NRXN3: variants seen among roughly 807,000 people sequenced by gnomAD.
The protein encoded by NRXN3 is neurexin 3.
Under a neutral mutation model 137.6 loss-of-function variants are expected in NRXN3, and 32 were observed. That is an observed-to-expected ratio of 0.23 (90% CI 0.18 to 0.31). The LOEUF is 0.31. NRXN3 is among the 10% of genes least tolerant of loss of function. The pLI is 1.00. For synonymous variants in NRXN3, 798 were observed against 784.5 expected (o/e 1.02, Z -0.29); for missense variants, 1,574 against 2,062.5 (o/e 0.76, Z 4.59).
chr14:78,615,464 A>T (rs943142903), intron 4 of NRXN3, among the ~76,000 whole-genome samples: 3 of 143,018 alleles, frequency 2.1e-5, no homozygotes, highest in African/African-American at 8.0e-5. Flanking sequence ...AAAAAAAATT[A>T]GTCTGTTGTG....
At chr14:78,194,159 T>A (rs561872262) in intron 1 of NRXN3, among the ~76,000 whole-genome samples, 1 of 152,368 alleles carries the variant, frequency 6.6e-6, no homozygotes, top group South Asian at 2.1e-4. Flanking sequence ...TGCAGTGGGC[T>A]GAGCACAATC....
intron 1 of NRXN3, among the ~76,000 whole-genome samples, chr14:78,232,824 G>A (rs1056007666): frequency 6.6e-6 from 1 of 152,204 alleles, no homozygotes; most frequent in African/African-American, 2.4e-5. Flanking sequence ...CCATGGCTGG[G>A]AACTCCAGGC....
chr14:79,805,406 T>C (rs1430814621), intron 20 of NRXN3, among the ~76,000 whole-genome samples: 1 of 152,044 alleles, frequency 6.6e-6, no homozygotes, highest in African/African-American at 2.4e-5. Flanking sequence ...CCTACAAAAA[T>C]TAAGTCAGTC....
intron 4 of NRXN3, among the ~76,000 whole-genome samples, chr14:78,549,236 A>C (rs1408574880): frequency 6.6e-6 from 1 of 152,226 alleles, no homozygotes; most frequent in Non-Finnish European, 1.5e-5. Context: ...AAGTTTGTAC[A>C]GGATTCAGGA....
At chr14:79,009,462 C>T (rs1464004291) in intron 15 of NRXN3, among the ~76,000 whole-genome samples, 1 of 152,174 alleles carries the variant, frequency 6.6e-6, no homozygotes, top group Non-Finnish European at 1.5e-5. Flanking sequence ...GAACTCCTTA[C>T]TTCTATGCAT....
intron 1 of NRXN3, among the ~76,000 whole-genome samples, chr14:78,190,476 G>T: frequency 6.6e-6 from 1 of 152,170 alleles, no homozygotes; most frequent in Non-Finnish European, 1.5e-5. Context: ...TTCTTCTCGG[G>T]AGAGGATTGG....
At chr14:79,160,856 C>CT (rs2060703548) in intron 15 of NRXN3, among the ~76,000 whole-genome samples, 1 of 151,868 alleles carries the variant, frequency 6.6e-6, no homozygotes, top group Non-Finnish European at 1.5e-5. Context: ...TGGAAAGCTT[C>CT]TTGGGAAGAG....
chr14:78,440,593 CCA>C (rs1365817921), intron 4 of NRXN3, among the ~76,000 whole-genome samples: 2 of 152,088 alleles, frequency 1.3e-5, no homozygotes, highest in Non-Finnish European at 2.9e-5. Context: ...CCAGGGAAGG[CCA>C]GAGTCAGTGT....
chr14:79,121,107 A>G (rs982905212), intron 15 of NRXN3, among the ~76,000 whole-genome samples: 25 of 152,202 alleles, frequency 1.6e-4, no homozygotes, highest in Admixed American at 2.6e-4. Context: ...CAAAACAAAG[A>G]AGAAAAGCTT....
intron 15 of NRXN3, among the ~76,000 whole-genome samples, chr14:79,343,209 T>C (rs1284457479): frequency 6.6e-6 from 1 of 152,146 alleles, no homozygotes; most frequent in African/African-American, 2.4e-5. Flanking sequence ...AAACCATAAT[T>C]GCTCATCTTG....
chr14:79,789,974 A>G (rs2099140131), intron 19 of NRXN3, among the ~76,000 whole-genome samples: 1 of 152,192 alleles, frequency 6.6e-6, no homozygotes, highest in African/African-American at 2.4e-5. Flanking sequence ...CCTAGAGAGT[A>G]AGGACACCAT....
chr14:79,483,659 T>C (rs888498858), intron 16 of NRXN3, among the ~76,000 whole-genome samples: 7 of 152,162 alleles, frequency 4.6e-5, no homozygotes, highest in Non-Finnish European at 1.0e-4. Context: ...TGTATTTGTG[T>C]GGATGTGGTT....
chr14:78,242,802 T>C lies in NRXN3; in HGVS notation c.-292T>C, dbSNP rs2067221546. 4.8e-6 allele frequency: 2 copies of C among 419,256 alleles called. No individual in the cohort carries two copies. Among genetic ancestry groups the C allele is most frequent in the Non-Finnish European group, 8.4e-6 (2 of 237,180 alleles). 26.0% of individuals were successfully genotyped at this position (419,256 alleles called of 1,614,324 possible). A position where few individuals can be genotyped will look rare whatever the true frequency, so the allele number is the denominator to read the frequency against. ...TTTCTTGGAGAAAGACGCTTTCCTC[T>C]TTACTCCAGTCCCTCACTTCCCCAC... On this transcript the variant is annotated 5_prime_UTR_variant, in exon 2 of 21. Coordinates refer to ENST00000335750, the MANE Select transcript of NRXN3 (RefSeq NM_001330195.2).
intron 19 of NRXN3, among the ~76,000 whole-genome samples, chr14:79,741,675 G>A (rs1429244640): frequency 6.6e-6 from 1 of 151,842 alleles, no homozygotes; most frequent in Non-Finnish European, 1.5e-5. Context: ...TAGTAGAGAT[G>A]GGGTTTTGCT....
chr14:79,238,160 A>G (rs2073723900), intron 15 of NRXN3, among the ~76,000 whole-genome samples: 1 of 152,158 alleles, frequency 6.6e-6, no homozygotes, highest in African/African-American at 2.4e-5. Context: ...GGGTGTGCTT[A>G]GTTTAATGCT....
rs1449933773 is a variant in NRXN3, at chr14:78,669,212, A to G, written c.1221+17886A>G. Among the ~76,000 whole-genome samples the G allele has an allele frequency of 3.3e-5, 5 of 152,214 alleles. No homozygotes were observed. In the South Asian group the frequency reaches 1.0e-3, roughly 32 times the overall value. ...TAAAGTCACAAAAATGCAAAATAGC[A>G]TGATAAGCATAGAGAACTAATAATA... On this transcript the variant is annotated intron_variant, in intron 6 of 20. Coordinates refer to ENST00000335750, the MANE Select transcript of NRXN3 (RefSeq NM_001330195.2).
chr14:79,235,481 A>G (rs930937906), intron 15 of NRXN3, among the ~76,000 whole-genome samples: 2 of 152,274 alleles, frequency 1.3e-5, no homozygotes, highest in Non-Finnish European at 2.9e-5. Flanking sequence ...AGGTGCCCTC[A>G]TTTCTAACCC....
At chr14:79,409,545 C>T (rs1342091257) in intron 15 of NRXN3, among the ~76,000 whole-genome samples, 2 of 146,742 alleles carry the variant, frequency 1.4e-5, no homozygotes, top group Non-Finnish European at 3.0e-5. Context: ...AGTCTGTTGT[C>T]CTGAGCTCCT....
chr14:79,860,690 A>G (rs989319748), intron 20 of NRXN3, among the ~76,000 whole-genome samples: 1 of 152,242 alleles, frequency 6.6e-6, no homozygotes, highest in South Asian at 2.1e-4. Context: ...GTGTGCGTGT[A>G]CCCACACATG....
Sources: allele counts gnomAD v4.1 joint callset (sites outside exome capture counted in the v4.1 genomes callset), GRCh38; gene constraint gnomAD v4.1.1; transcripts MANE v1.5; gene names NCBI Gene and HGNC (gene_info 2026-07-23, HGNC 2026-07-21).